DARS1: variants seen among roughly 807,000 people sequenced by gnomAD.
DARS1 encodes the protein aspartate--tRNA ligase, cytoplasmic.
Under a neutral mutation model 68.8 loss-of-function variants are expected in DARS1, and 51 were observed. That is an observed-to-expected ratio of 0.74 (90% CI 0.59 to 0.94). DARS1 has a LOEUF of 0.94. Ranked by LOEUF, DARS1 falls within the 40% of genes least tolerant of loss-of-function variation. The probability of loss-of-function intolerance (pLI) is 0.00; values close to 1 mark genes in which losing one functional copy is unlikely to be tolerated. For synonymous variants in DARS1, 203 were observed against 190.4 expected, an observed-to-expected ratio of 1.07 and a Z score of -0.55; for missense variants, 607 against 597.3, an observed-to-expected ratio of 1.02 and a Z score of -0.17.
intron 15 of DARS1, chr2:135,910,767 T>A (rs1176634784): frequency 1.9e-5 from 3 of 158,230 alleles, no homozygotes; most frequent in African/African-American, 7.2e-5. Context: ...TGCAGAGCAG[T>A]CCCTTACATA....
intron 11 of DARS1, chr2:135,914,857 A>C (rs1278596788): frequency 5.7e-6 from 1 of 174,726 alleles, no homozygotes; most frequent in African/African-American, 2.4e-5. Context: ...TTGCCATGAA[A>C]TAATCTTCCC....
chr2:135,985,431 T>C lies in DARS1; in HGVS notation c.38A>G (p.Lys13Arg), dbSNP rs1220861236. The C allele has an allele frequency of 3.1e-6, 5 of 1,613,888 alleles. No homozygotes were observed. The highest frequency in any genetic ancestry group is 4.2e-6 in the Non-Finnish European group (5 of 1,179,966). Residue 13 changes from lysine (K) to arginine (R), a missense_variant, in exon 1 of 16, where the codon AAG becomes AGG. Physicochemically the swap from Lys to Arg is conservative, Grantham distance 26 (BLOSUM62 2). Transcript: ENST00000264161. ...CGCCGCGTCCATGATCTCCCGCGGC[T>C]TCTCCTGACTCTTGCGGCTGGCGCT... ...SASASRKSQE[K>R]PREIMDAAED...
intron 5 of DARS1, among the ~76,000 whole-genome samples, chr2:135,939,444 A>G (rs1681545578): frequency 6.6e-6 from 1 of 152,224 alleles, no homozygotes; most frequent in African/African-American, 2.4e-5. Context: ...GGAAATAAAG[A>G]TGTTCTTTGA....
At position 135,926,166 on chromosome 2, in the gene DARS1, C is replaced by T. The variant is rs572078345; in HGVS notation, c.565-1668G>A. 3.3e-5 allele frequency among the ~76,000 whole-genome samples: 5 copies of T among 152,314 alleles called. No homozygotes were observed. The East Asian group carries it at 9.6e-4, about 29-fold the overall frequency. ...ACGGCCTCCCAAAGTGCTGGGATTA[C>T]AGGTGTGAGCCACGACGCCTGGCCT... is the stretch of plus-strand genomic sequence containing the variant. On this transcript the variant is annotated intron_variant, in intron 7 of 15. Coordinates refer to ENST00000264161, the MANE Select transcript of DARS1 (RefSeq NM_001349.4).
At chr2:135,973,382 T>C (rs1417050514) in intron 3 of DARS1, among the ~76,000 whole-genome samples, 2 of 151,568 alleles carry the variant, frequency 1.3e-5, no homozygotes, top group Non-Finnish European at 2.9e-5. Flanking sequence ...ACAATTGAAC[T>C]CATGGATATA....
intron 4 of DARS1, among the ~76,000 whole-genome samples, chr2:135,959,087 T>G (rs1261013565): frequency 1.3e-5 from 2 of 151,974 alleles, no homozygotes; most frequent in Admixed American, 1.3e-4. Context: ...ATTCTTCCCT[T>G]GTCTAAAAGA....
Position 135,907,260 on chromosome 2 carries a change from TTGA to T in DARS1, c.*53_*55del. 1 of 965,500 alleles carries T rather than the reference TTGA, an allele frequency of 1.0e-6. No individual in the cohort carries two copies. The highest frequency in any genetic ancestry group is 1.5e-6 in the Non-Finnish European group (1 of 664,450). 59.8% of individuals were successfully genotyped at this position (965,500 alleles called of 1,614,324 possible). A position where few individuals can be genotyped will look rare whatever the true frequency, so the allele number is the denominator to read the frequency against. ...TGGCTTTCTTTTTTTTTTTTTTTTT[TTGA>T]GGCAGGGTCTCGCTCTGTCATCCAC... On this transcript the variant is annotated 3_prime_UTR_variant, in exon 16 of 16. Coordinates refer to ENST00000264161, the MANE Select transcript of DARS1 (RefSeq NM_001349.4).
intron 1 of DARS1, 129 bp downstream of exon 1, chr2:135,985,274 C>A: frequency 7.1e-7 from 1 of 1,417,614 alleles, no homozygotes; most frequent in Admixed American, 2.7e-5. Flanking sequence ...GGCGCCCGGA[C>A]CCCACGCCCG....
chr2:135,983,888 G>C (rs945110248), intron 1 of DARS1, among the ~76,000 whole-genome samples: 1 of 152,110 alleles, frequency 6.6e-6, no homozygotes, highest in Non-Finnish European at 1.5e-5. Flanking sequence ...CCAACGTTTT[G>C]GGTAAGCTTT....
intron 3 of DARS1, among the ~76,000 whole-genome samples, chr2:135,967,478 C>T (rs757930849): frequency 5.3e-5 from 8 of 152,250 alleles, no homozygotes; most frequent in East Asian, 3.9e-4. Context: ...ATATGTTTCA[C>T]GCTTGAAAGA....
Position 135,985,284 on chromosome 2 carries a change from G to A in DARS1, c.66+119C>T, listed in dbSNP as rs1682750421. 6 of 1,436,374 alleles carry A rather than the reference G, an allele frequency of 4.2e-6. No homozygotes were observed. The Admixed American group carries it at 7.9e-5, about 19-fold the overall frequency. The allele number at this position is 1,436,374 out of a possible 1,614,324, so 89.0% of individuals were successfully genotyped here. A position where few individuals can be genotyped will look rare whatever the true frequency, so the allele number is the denominator to read the frequency against. On this transcript the variant is annotated intron_variant, in intron 1 of 15. Coordinates refer to ENST00000264161, the MANE Select transcript of DARS1 (RefSeq NM_001349.4). ...CTCTAGGCGCCCGGACCCCACGCCC[G>A]CAGCCTGCGGAGAACGTGCCGACAA...
At chr2:135,984,204 C>A (rs182270206) in intron 1 of DARS1, among the ~76,000 whole-genome samples, 5 of 152,292 alleles carry the variant, frequency 3.3e-5, no homozygotes, top group Admixed American at 2.6e-4. Flanking sequence ...ATCTAAGATT[C>A]TTCTAGCTAT....
rs376472147 is a variant in DARS1 at position 135,985,490 on chromosome 2, G to T, written c.-22C>A. The T allele has an allele frequency of 9.9e-6, 16 of 1,613,878 alleles. No individual in the cohort carries two copies. The highest frequency in any genetic ancestry group is 3.3e-5 in the Admixed American group (2 of 60,012). ...GCATCGGGACACGGAACTGGGCAGT[G>T]GACACCACCCTCCCTCGCAGGCTTC... is the stretch of plus-strand genomic sequence containing the variant. On this transcript the variant is annotated 5_prime_UTR_variant, in exon 1 of 16. Transcript: ENST00000264161.
intron 3 of DARS1, 40 bp from the exon 4 acceptor site, chr2:135,961,538 G>C (rs768433056): frequency 8.2e-6 from 8 of 980,100 alleles, no homozygotes; most frequent in Non-Finnish European, 1.3e-5. Flanking sequence ...TTAAGGACAC[G>C]CAACTTCAGG....
At chr2:135,945,162 C>G (rs1176319971) in intron 4 of DARS1, among the ~76,000 whole-genome samples, 1 of 151,960 alleles carries the variant, frequency 6.6e-6, no homozygotes, top group Non-Finnish European at 1.5e-5. Context: ...GGTCTTGTCT[C>G]TGTCACCTAG....
At chr2:135,933,488 T>G (rs575939908) in intron 6 of DARS1, among the ~76,000 whole-genome samples, 60 of 152,348 alleles carry the variant, frequency 3.9e-4, no homozygotes, top group African/African-American at 1.4e-3. Flanking sequence ...GTTAAGGCAA[T>G]GGACTGCTAA....
chr2:135,949,833 G>A (rs1229815201), intron 4 of DARS1, among the ~76,000 whole-genome samples: 1 of 152,114 alleles, frequency 6.6e-6, no homozygotes, highest in Non-Finnish European at 1.5e-5. Flanking sequence ...CAAAATAGTT[G>A]GCTCCGTATT....
At chr2:135,923,133 T>C (rs148050593) in intron 8 of DARS1, among the ~76,000 whole-genome samples, 80 of 152,322 alleles carry the variant, frequency 5.3e-4, no homozygotes, top group African/African-American at 1.8e-3. Flanking sequence ...TATGCTTTTA[T>C]TTCACTTCTG....
At position 135,985,538 on chromosome 2, in the gene DARS1, TCTCC is replaced by T. The variant is rs764058579; in HGVS notation, c.-74_-71del. 1.9e-6 allele frequency: 3 copies of T among 1,609,866 alleles called. No homozygotes were observed. In the Admixed American group the frequency reaches 5.1e-5, roughly 27 times the overall value. On this transcript the variant is annotated 5_prime_UTR_variant, in exon 1 of 16. Transcript: ENST00000264161. ...TTCCGTAAGGCAGGCCAAAGGGGCT[TCTCC>T]CTCCCTCCCAGTCTCCGCCCTCCCG...
Sources: gnomAD v4.1 joint callset for allele counts (sites outside exome capture counted in the v4.1 genomes callset) on GRCh38, gnomAD v4.1.1 for gene constraint, MANE v1.5 for transcripts, NCBI Gene and HGNC (gene_info 2026-07-23, HGNC 2026-07-21) for gene names.